Variants in CDKAL1 observed in about 807,000 individuals in gnomAD.
The protein encoded by CDKAL1 is threonylcarbamoyladenosine tRNA methylthiotransferase.
A neutral mutation model predicts 68.2 loss-of-function variants in CDKAL1; 32 were observed. The ratio of observed to expected loss-of-function variants is 0.47; its 90% CI spans 0.35 to 0.63. The LOEUF is 0.63. CDKAL1 is among the 30% of genes least tolerant of loss of function. The pLI, the probability that CDKAL1 is intolerant of heterozygous loss-of-function variation, is 0.00. For synonymous variants in CDKAL1, 234 were observed against 244.3 expected (o/e 0.96, Z 0.39); for missense variants, 606 against 696.7 (o/e 0.87, Z 1.47).
intron 9 of CDKAL1, among the ~76,000 whole-genome samples, chr6:20,914,640 A>G (rs1282570354): frequency 6.6e-6 from 1 of 152,234 alleles, no homozygotes; most frequent in Non-Finnish European, 1.5e-5. Flanking sequence ...TGGCAGAGAT[A>G]TTAACACTAC....
intron 4 of CDKAL1, among the ~76,000 whole-genome samples, chr6:20,609,482 G>T (rs143939750): frequency 1.4e-5 from 2 of 147,630 alleles, no homozygotes; most frequent in African/African-American, 5.0e-5. Context: ...TGCAGCCTCC[G>T]TCTCCCAGGT....
chr6:21,145,721 C>T (rs1004295465), intron 13 of CDKAL1, among the ~76,000 whole-genome samples: 3 of 152,318 alleles, frequency 2.0e-5, no homozygotes, highest in Non-Finnish European at 4.4e-5. Context: ...GATAACGTAG[C>T]AGGATCCCAT....
intron 5 of CDKAL1, among the ~76,000 whole-genome samples, chr6:20,692,500 A>G (rs563752075): frequency 1.3e-5 from 2 of 152,188 alleles, no homozygotes; most frequent in South Asian, 4.2e-4. Context: ...TTGATTTGGG[A>G]TTCCACAGAA....
intron 5 of CDKAL1, among the ~76,000 whole-genome samples, chr6:20,705,787 C>T (rs1408136827): frequency 6.6e-6 from 1 of 152,110 alleles, no homozygotes; most frequent in Non-Finnish European, 1.5e-5. Context: ...TATAGAAAAG[C>T]TTATAGCTTT....
chr6:20,551,572 G>A (rs187310013), intron 4 of CDKAL1, among the ~76,000 whole-genome samples: 15 of 151,694 alleles, frequency 9.9e-5, no homozygotes, highest in South Asian at 8.4e-4. Flanking sequence ...GGGTTTCACC[G>A]TGTTAGCCAG....
intron 9 of CDKAL1, among the ~76,000 whole-genome samples, chr6:20,876,993 CT>C (rs1313069668): frequency 6.6e-6 from 1 of 152,192 alleles, no homozygotes; most frequent in Non-Finnish European, 1.5e-5. Flanking sequence ...TCAATCAACA[CT>C]TTTATTTAAC....
At chr6:21,131,489 T>G (rs1452541238) in intron 13 of CDKAL1, among the ~76,000 whole-genome samples, 1 of 152,224 alleles carries the variant, frequency 6.6e-6, no homozygotes, top group Admixed American at 6.5e-5. Flanking sequence ...TACTTTTATA[T>G]CATGTGGTGT....
intron 15 of CDKAL1, among the ~76,000 whole-genome samples, chr6:21,220,596 C>T (rs1400321037): frequency 6.6e-6 from 1 of 152,184 alleles, no homozygotes; most frequent in South Asian, 2.1e-4. Context: ...GTTCTTCTGT[C>T]CTACACCCTC....
chr6:21,217,054 T>G (rs1339004077), intron 15 of CDKAL1, among the ~76,000 whole-genome samples: 1 of 152,208 alleles, frequency 6.6e-6, no homozygotes, highest in Non-Finnish European at 1.5e-5. Flanking sequence ...TTGCTCATTT[T>G]TTTTACTTTT....
At position 21,086,955 on chromosome 6, in the gene CDKAL1, A is replaced by G. The variant is rs571288060; in HGVS notation, c.1237-21446A>G. On this transcript the variant is annotated intron_variant, in intron 12 of 15. Coordinates refer to ENST00000274695, the MANE Select transcript of CDKAL1 (RefSeq NM_017774.3). ...AATATTTTTCTGGGAACATTTATGT[A>G]TCAAGCATTGGTTAAAATGGCACCC... Among the ~76,000 whole-genome samples the G allele has an allele frequency of 1.5e-4, 23 of 152,338 alleles. No homozygotes were observed. In the South Asian group the frequency reaches 4.8e-3, roughly 32 times the overall value.
chr6:21,089,131 C>A (rs571982465), intron 12 of CDKAL1, among the ~76,000 whole-genome samples: 2 of 152,268 alleles, frequency 1.3e-5, no homozygotes, highest in Admixed American at 6.5e-5. Context: ...ACATTCTTTT[C>A]AACGTCAGTT....
At chr6:21,204,411 A>G (rs1476928087) in intron 15 of CDKAL1, among the ~76,000 whole-genome samples, 1 of 152,194 alleles carries the variant, frequency 6.6e-6, no homozygotes, top group Non-Finnish European at 1.5e-5. Context: ...ATCTAGAAAT[A>G]TACTAGTAAA....
At chr6:20,592,818 C>T (rs908640397) in intron 4 of CDKAL1, among the ~76,000 whole-genome samples, 1 of 152,076 alleles carries the variant, frequency 6.6e-6, no homozygotes, top group Non-Finnish European at 1.5e-5. Context: ...TCATAAGTAG[C>T]TCTTATTATT....
intron 12 of CDKAL1, among the ~76,000 whole-genome samples, chr6:21,082,877 T>G (rs1772481469): frequency 1.3e-5 from 2 of 149,292 alleles, no homozygotes; most frequent in Admixed American, 1.3e-4. Flanking sequence ...TTCTTTTGTT[T>G]TTTTTTTTTT....
At chr6:20,606,711 C>A (rs1034237134) in intron 4 of CDKAL1, among the ~76,000 whole-genome samples, 1 of 152,110 alleles carries the variant, frequency 6.6e-6, no homozygotes, top group African/African-American at 2.4e-5. Context: ...TAAAATGCTG[C>A]AGAAAAGTTG....
chr6:20,995,729 T>C (rs867956136), intron 10 of CDKAL1, among the ~76,000 whole-genome samples: 1 of 152,156 alleles, frequency 6.6e-6, no homozygotes, highest in African/African-American at 2.4e-5. Flanking sequence ...ATTTTCAGAA[T>C]GGTAAATGAG....
At chr6:20,569,843 G>A (rs1764624201) in intron 4 of CDKAL1, among the ~76,000 whole-genome samples, 1 of 152,136 alleles carries the variant, frequency 6.6e-6, no homozygotes, top group Non-Finnish European at 1.5e-5. Flanking sequence ...GGAAATTGAG[G>A]ATTGGAAGTT....
chr6:21,116,283 A>T (rs1487684284), intron 13 of CDKAL1, among the ~76,000 whole-genome samples: 1 of 152,156 alleles, frequency 6.6e-6, no homozygotes, highest in East Asian at 1.9e-4. Context: ...AGACCCATAG[A>T]TGCCAGAATT....
intron 7 of CDKAL1, among the ~76,000 whole-genome samples, chr6:20,767,698 GATA>G (rs1386296509): frequency 1.3e-5 from 2 of 152,178 alleles, no homozygotes; most frequent in African/African-American, 4.8e-5. Flanking sequence ...ACCTAATATT[GATA>G]ATAATTGGTA....
Sources: gnomAD v4.1 joint callset for allele counts (sites outside exome capture counted in the v4.1 genomes callset) on GRCh38, gnomAD v4.1.1 for gene constraint, MANE v1.5 for transcripts, NCBI Gene and HGNC (gene_info 2026-07-23, HGNC 2026-07-21) for gene names.